Variants in KIAA0586 observed in about 807,000 individuals in gnomAD.
KIAA0586 encodes the protein KIAA0586.
KIAA0586 carries 144 observed loss-of-function variants against 169.8 expected under a neutral mutation model. The observed-to-expected ratio is 0.85, with a 90% CI of 0.74 to 0.97. KIAA0586 has a LOEUF of 0.97. KIAA0586 is among the 50% of genes least tolerant of loss of function. The probability of loss-of-function intolerance (pLI) is 0.00; values close to 1 mark genes in which losing one functional copy is unlikely to be tolerated. For synonymous variants in KIAA0586, 625 were observed against 612.4 expected, an observed-to-expected ratio of 1.02 and a Z score of -0.30; for missense variants, 1,854 against 1,823.0, an observed-to-expected ratio of 1.02 and a Z score of -0.31.
At chr14:58,469,121 GCC>G (rs2041003822) in intron 16 of KIAA0586, among the ~76,000 whole-genome samples, 1 of 152,138 alleles carries the variant, frequency 6.6e-6, no homozygotes, top group Admixed American at 6.5e-5. Flanking sequence ...CAACCCACCA[GCC>G]TGAGAGATTC....
chr14:58,561,246 T>C, the KIAA0586 span, among the ~76,000 whole-genome samples: 87 of 152,330 alleles, frequency 5.7e-4, no homozygotes, highest in Non-Finnish European at 9.3e-4. Flanking sequence ...TAAACAGTTT[T>C]GGTTTTAGTT....
At chr14:58,509,742 C>T (rs750630875) in intron 28 of KIAA0586, among the ~76,000 whole-genome samples, 1 of 151,958 alleles carries the variant, frequency 6.6e-6, no homozygotes, top group Non-Finnish European at 1.5e-5. Flanking sequence ...TTAATAACTT[C>T]GATATAAAAA....
At position 58,459,932 on chromosome 14, in the gene KIAA0586, T is replaced by C. The variant is rs1402230041; in HGVS notation, c.1746T>C (p.Ile582=). ...TKKGQNMTKD[I]RTNTQDKTVN... ...AAGGTCAGAATATGACTAAAGATAT[T>C]AGAACCAACACACAAGATAAAACTG... The change falls in exon 13 of 31, where the codon ATT becomes ATC. Residue 582 remains isoleucine, a synonymous_variant. Transcript: ENST00000652326. The C allele has an allele frequency of 6.5e-7, 1 of 1,533,220 alleles. No homozygotes were observed. The highest frequency in any genetic ancestry group is 1.2e-5 in the South Asian group (1 of 83,944). The allele number at this position is 1,533,220 out of a possible 1,614,324, so 95.0% of individuals were successfully genotyped here.
rs140262621 is a variant in KIAA0586 at position 58,464,707 on chromosome 14, A to G, written c.2060-1128A>G. Among the ~76,000 whole-genome samples the G allele has an allele frequency of 6.9e-4, 105 of 152,200 alleles. 1 individual carries two copies. Among genetic ancestry groups the G allele is most frequent in the Middle Eastern group, 6.8e-3 (2 of 294 alleles). The stretch of plus-strand genomic sequence containing the variant: ...TGGGGGATGTGTCCCAATACCCTCA[A>G]TGGATGCCTGAAACTGTGGATAGTA... On this transcript the variant is annotated intron_variant, in intron 14 of 30. Transcript: ENST00000652326.
chr14:58,555,590 A>G (rs1009206106), downstream of KIAA0586, among the ~76,000 whole-genome samples: 1 of 152,200 alleles, frequency 6.6e-6, no homozygotes, highest in African/African-American at 2.4e-5. Flanking sequence ...TAGATGAGAC[A>G]TTATTCTACC....
At chr14:58,534,551 G>A (rs2046169028) in intron 29 of KIAA0586, among the ~76,000 whole-genome samples, 1 of 152,162 alleles carries the variant, frequency 6.6e-6, no homozygotes. Context: ...TTGTCGTAGA[G>A]CACGAAGTAT....
chr14:58,436,633 GA>G (rs1010741012), intron 4 of KIAA0586, among the ~76,000 whole-genome samples: 17 of 150,834 alleles, frequency 1.1e-4, no homozygotes, highest in African/African-American at 2.9e-4. Context: ...ATACTGTTGA[GA>G]AAAAAAAAGT....
At chr14:58,560,949 T>C in the KIAA0586 span, among the ~76,000 whole-genome samples, 2 of 152,186 alleles carry the variant, frequency 1.3e-5, no homozygotes, top group Non-Finnish European at 2.9e-5. Flanking sequence ...AACTTCCCAA[T>C]AAGAAAAGGG....
intron 4 of KIAA0586, 26 bp downstream of exon 4, chr14:58,432,483 T>A: frequency 7.8e-7 from 1 of 1,276,470 alleles, no homozygotes; most frequent in Non-Finnish European, 1.1e-6. Context: ...AGAAAATAAT[T>A]GGACCATTTC....
intron 21 of KIAA0586, among the ~76,000 whole-genome samples, chr14:58,484,946 TTTTTTG>T (rs2042338355): frequency 1.5e-5 from 1 of 67,240 alleles, no homozygotes; most frequent in Non-Finnish European, 3.0e-5. Context: ...TTTTTTTTTT[TTTTTTG>T]AGATGGAGTT....
chr14:58,481,626 A>G (rs778692823), intron 20 of KIAA0586, among the ~76,000 whole-genome samples: 54 of 152,316 alleles, frequency 3.5e-4, no homozygotes, highest in Non-Finnish European at 6.2e-4. Flanking sequence ...ATTCTGTAGT[A>G]GTAGAGAAGA....
At chr14:58,446,666 C>T (rs1412669366) in intron 6 of KIAA0586, among the ~76,000 whole-genome samples, 1 of 151,914 alleles carries the variant, frequency 6.6e-6, no homozygotes, top group African/African-American at 2.4e-5. Context: ...ATAAAGTAGA[C>T]ATTAATTTGC....
Position 58,430,103 on chromosome 14 carries a change from A to G in KIAA0586, c.271-545A>G, listed in dbSNP as rs527370024. Among the ~76,000 whole-genome samples, 81 of 152,184 alleles carry G rather than the reference A, an allele frequency of 5.3e-4. 1 individual carries two copies. In the South Asian group the frequency reaches 0.016, roughly 30 times the overall value. On this transcript the variant is annotated intron_variant, in intron 2 of 30. Coordinates refer to ENST00000652326, the MANE Select transcript of KIAA0586 (RefSeq NM_001329943.3). ...GTCAAAAGCTCACAATAAAATGTAT[A>G]ATTATTTGCTGTACTTGATCCCTAA...
chr14:58,448,638 T>TG, intron 7 of KIAA0586, 145 bp downstream of exon 7: 2 of 493,256 alleles, frequency 4.1e-6, no homozygotes, highest in Non-Finnish European at 6.8e-6. Flanking sequence ...ATAAAACAAT[T>TG]TTTTTAAATG....
intron 27 of KIAA0586, among the ~76,000 whole-genome samples, chr14:58,504,488 A>G (rs372696131): frequency 1.7e-3 from 261 of 152,298 alleles, no homozygotes; most frequent in African/African-American, 6.2e-3. Flanking sequence ...TTTCATACAA[A>G]TGAAAAAAAT....
intron 4 of KIAA0586, among the ~76,000 whole-genome samples, chr14:58,434,915 A>T (rs1384415816): frequency 1.3e-5 from 2 of 150,076 alleles, no homozygotes; most frequent in Non-Finnish European, 3.0e-5. Context: ...CCCCCGCCAG[A>T]GTAGCTGGGA....
intron 26 of KIAA0586, among the ~76,000 whole-genome samples, chr14:58,495,747 TCTC>T (rs2043121128): frequency 6.6e-6 from 1 of 152,134 alleles, no homozygotes; most frequent in African/African-American, 2.4e-5. Context: ...GTTTAATTAT[TCTC>T]CTATTGAAGG....
At chr14:58,531,044 C>G (rs2045928066) in intron 29 of KIAA0586, among the ~76,000 whole-genome samples, 4 of 151,984 alleles carry the variant, frequency 2.6e-5, no homozygotes, top group South Asian at 2.1e-4. Flanking sequence ...GGTGCAGTGG[C>G]TCACGCCTGT....
Position 58,456,786 on chromosome 14 carries a change from G to GA in KIAA0586, c.1341dup (p.Glu448ArgfsTer4). On this transcript the variant is annotated frameshift_variant, in exon 10 of 31. Coordinates refer to ENST00000652326, the MANE Select transcript of KIAA0586 (RefSeq NM_001329943.3). LOFTEE classifies it high-confidence loss of function. ...TTCTTCATGACCTTGGCCAAAAAGA[G>GA]AAAGAAACAAATAGCATGGTCCAGG... 2 of 1,596,380 alleles carry GA rather than the reference G, an allele frequency of 1.3e-6. No individual in the cohort carries two copies. The highest frequency in any genetic ancestry group is 1.7e-6 in the Non-Finnish European group (2 of 1,168,696).
Sources: gnomAD v4.1 joint callset for allele counts (sites outside exome capture counted in the v4.1 genomes callset) on GRCh38, gnomAD v4.1.1 for gene constraint, MANE v1.5 for transcripts, NCBI Gene and HGNC (gene_info 2026-07-23, HGNC 2026-07-21) for gene names.